STAC: variants seen among roughly 807,000 people sequenced by gnomAD.
STAC encodes SH3 and cysteine-rich domain-containing protein.
A neutral mutation model predicts 48.8 loss-of-function variants in STAC; 43 were observed. The ratio of observed to expected loss-of-function variants is 0.88; its 90% confidence interval spans 0.69 to 1.14. The LOEUF is 1.14. STAC is among the 50% of genes most tolerant of loss of function. The pLI is 0.00. For missense variants in STAC, 497 were observed against 504.0 expected, an observed-to-expected ratio of 0.99 and a Z score of 0.13; for synonymous variants, 193 against 179.5, an observed-to-expected ratio of 1.07 and a Z score of -0.60.
At chr3:36,428,386 G>C (rs1213440189) in intron 1 of STAC, among the ~76,000 whole-genome samples, 1 of 152,112 alleles carries the variant, frequency 6.6e-6, no homozygotes, top group Non-Finnish European at 1.5e-5. Flanking sequence ...ATAATATCTG[G>C]ATGTCAGAAA....
chr3:36,518,409 A>G (rs780107444), intron 8 of STAC, among the ~76,000 whole-genome samples: 1 of 152,106 alleles, frequency 6.6e-6, no homozygotes, highest in Non-Finnish European at 1.5e-5. Context: ...GCCATTTTTC[A>G]TAAGGGTAGA....
intron 2 of STAC, among the ~76,000 whole-genome samples, chr3:36,448,152 C>G (rs988278832): frequency 2.1e-5 from 3 of 141,562 alleles, no homozygotes; most frequent in Non-Finnish European, 4.7e-5. Context: ...TAATTATGGT[C>G]ACAGAATTTT....
At chr3:36,532,087 A>G (rs1018663241) in intron 10 of STAC, among the ~76,000 whole-genome samples, 1 of 152,186 alleles carries the variant, frequency 6.6e-6, no homozygotes, top group African/African-American at 2.4e-5. Context: ...AACTTTGCAC[A>G]TGTGTACACA....
intron 1 of STAC, among the ~76,000 whole-genome samples, chr3:36,429,185 T>A (rs1010551267): frequency 9.9e-5 from 15 of 152,216 alleles, no homozygotes; most frequent in Non-Finnish European, 5.9e-5. Context: ...TAAAATGCTA[T>A]GCCCTTTACT....
intron 2 of STAC, among the ~76,000 whole-genome samples, chr3:36,470,356 G>C (rs1214811363): frequency 2.0e-5 from 3 of 152,250 alleles, no homozygotes; most frequent in African/African-American, 7.2e-5. Flanking sequence ...TAGTCAGCCA[G>C]CAGAGCTACC....
At position 36,392,319 on chromosome 3, in the gene STAC, T is replaced by C. The variant is rs1429185439; in HGVS notation, c.111+11565T>C. Among the ~76,000 whole-genome samples the C allele has an allele frequency of 2.6e-5, 4 of 152,224 alleles. No homozygotes were observed. In the South Asian group the frequency reaches 6.2e-4, roughly 24 times the overall value. On this transcript the variant is annotated intron_variant, in intron 1 of 10. Coordinates refer to ENST00000273183, the MANE Select transcript of STAC (RefSeq NM_003149.3). Reference sequence around the variant, plus strand: ...TCCTCTCTGATGAGTCCTTCACTTCTTATGCTAATATCTAGTCCTTTCCTT... The same window carrying C: ...TCCTCTCTGATGAGTCCTTCACTTCCTATGCTAATATCTAGTCCTTTCCTT...
chr3:36,474,145 C>T (rs1401467700), intron 2 of STAC, among the ~76,000 whole-genome samples: 1 of 152,164 alleles, frequency 6.6e-6, no homozygotes, highest in East Asian at 1.9e-4. Flanking sequence ...GTACCCACAT[C>T]CCTACAGCAG....
At chr3:36,532,710 C>T (rs1181315578) in intron 10 of STAC, among the ~76,000 whole-genome samples, 2 of 152,188 alleles carry the variant, frequency 1.3e-5, no homozygotes, top group Non-Finnish European at 2.9e-5. Context: ...TATGCAAACC[C>T]CACATGACTA....
intron 8 of STAC, among the ~76,000 whole-genome samples, chr3:36,523,273 CA>C (rs1432714522): frequency 1.3e-5 from 2 of 152,326 alleles, no homozygotes; most frequent in East Asian, 3.9e-4. Context: ...AACTAACTTG[CA>C]AATCTTCCTC....
intron 10 of STAC, among the ~76,000 whole-genome samples, chr3:36,544,630 T>C (rs543091886): frequency 6.6e-6 from 1 of 152,294 alleles, no homozygotes; most frequent in African/African-American, 2.4e-5. Flanking sequence ...GGCATGTATT[T>C]ATTTATTTAT....
At chr3:36,433,832 T>C (rs538074184) in intron 1 of STAC, among the ~76,000 whole-genome samples, 1 of 152,300 alleles carries the variant, frequency 6.6e-6, no homozygotes, top group East Asian at 1.9e-4. Context: ...ATCAATCTTA[T>C]CTAATAACTG....
chr3:36,419,490 G>C (rs967659498), intron 1 of STAC, among the ~76,000 whole-genome samples: 1 of 152,164 alleles, frequency 6.6e-6, no homozygotes, highest in African/African-American at 2.4e-5. Context: ...GAGAATCACA[G>C]AGTGATTGTA....
chr3:36,492,031 A>AAAAAATAT (rs1553639882), intron 5 of STAC, among the ~76,000 whole-genome samples: 3 of 16,440 alleles, frequency 1.8e-4, no homozygotes, highest in Admixed American at 1.1e-3. Flanking sequence ...AAAAAAAAAA[A>AAAAAATAT]ATATATATAT....
Position 36,380,674 on chromosome 3 carries a change from G to T in STAC, c.31G>T (p.Gly11Cys). MIPPSSPREDGVDGLPKEAVG... is the reference protein window; with the variant it reads MIPPSSPREDCVDGLPKEAVG... ...CCCTCCGAGCAGCCCCCGCGAGGAC[G>T]GCGTGGACGGGCTGCCCAAGGAGGC... Residue 11 changes from glycine (G) to cysteine (C), a missense_variant, in exon 1 of 11, where the codon GGC (glycine) becomes TGC (cysteine). Coordinates refer to ENST00000273183, the MANE Select transcript of STAC (RefSeq NM_003149.3). 13 of 1,606,414 alleles carry T rather than the reference G, an allele frequency of 8.1e-6. No homozygotes were observed. Among genetic ancestry groups the T allele is most frequent in the Non-Finnish European group, 1.1e-5 (13 of 1,176,958 alleles).
chr3:36,476,211 C>A (rs1190571366), intron 2 of STAC, among the ~76,000 whole-genome samples: 1 of 152,176 alleles, frequency 6.6e-6, no homozygotes, highest in African/African-American at 2.4e-5. Context: ...ACCACAGGGA[C>A]CCAGAGGTAA....
At chr3:36,486,627 C>T (rs1198697502) in intron 5 of STAC, among the ~76,000 whole-genome samples, 1 of 152,184 alleles carries the variant, frequency 6.6e-6, no homozygotes, top group African/African-American at 2.4e-5. Flanking sequence ...TTCCGTTTAG[C>T]TACATTCCAG....
intron 1 of STAC, among the ~76,000 whole-genome samples, chr3:36,425,163 T>G (rs982437792): frequency 1.5e-4 from 23 of 152,152 alleles, no homozygotes; most frequent in Admixed American, 1.4e-3. Context: ...AAGAGGTAAC[T>G]TTACAGTGGA....
chr3:36,397,760 C>G (rs1699883354), intron 1 of STAC, among the ~76,000 whole-genome samples: 1 of 152,220 alleles, frequency 6.6e-6, no homozygotes, highest in Non-Finnish European at 1.5e-5. Flanking sequence ...CCCAAGTGCT[C>G]TTAGAATTTC....
At chr3:36,398,364 A>G (rs932615916) in intron 1 of STAC, among the ~76,000 whole-genome samples, 1 of 135,510 alleles carries the variant, frequency 7.4e-6, no homozygotes, top group Non-Finnish European at 1.6e-5. Flanking sequence ...AGAAAGAAAG[A>G]AAGAAAAGAA....
Sources: gnomAD v4.1 joint callset for allele counts (sites outside exome capture counted in the v4.1 genomes callset) on GRCh38, gnomAD v4.1.1 for gene constraint, MANE v1.5 for transcripts, NCBI Gene and HGNC (gene_info 2026-07-23, HGNC 2026-07-21) for gene names.